DLGAP2: variants seen among roughly 807,000 people sequenced by gnomAD.
DLGAP2 encodes the protein DLG associated protein 2.
In DLGAP2, 26 loss-of-function variants were observed where a neutral mutation model predicts 100.3. The observed-to-expected ratio is 0.26, with a 90% CI of 0.19 to 0.36. The LOEUF is 0.36. Ranked by LOEUF, DLGAP2 falls within the 10% of genes least tolerant of loss-of-function variation. The pLI, the probability that DLGAP2 is intolerant of heterozygous loss-of-function variation, is 1.00. For synonymous variants in DLGAP2, 886 were observed against 630.1 expected, an observed-to-expected ratio of 1.41 and a Z score of -6.08; for missense variants, 1,858 against 1,453.2, an observed-to-expected ratio of 1.28 and a Z score of -4.53.
chr8:1,015,260 C>T (rs1208145941), intron 2 of DLGAP2, among the ~76,000 whole-genome samples: 1 of 4,454 alleles, frequency 2.2e-4, no homozygotes, highest in African/African-American at 4.5e-4. Flanking sequence ...CCAGGACAGA[C>T]GACGCCTCCA....
intron 3 of DLGAP2, among the ~76,000 whole-genome samples, chr8:1,294,138 C>T (rs1248311851): frequency 6.6e-6 from 1 of 152,114 alleles, no homozygotes; most frequent in African/African-American, 2.4e-5. Flanking sequence ...CACATCACCT[C>T]CCGAAACTGT....
chr8:1,384,233 T>C (rs563711153), intron 3 of DLGAP2, among the ~76,000 whole-genome samples: 36 of 152,266 alleles, frequency 2.4e-4, no homozygotes, highest in Non-Finnish European at 4.4e-4. Context: ...GAATTTAATT[T>C]CTTTCCTGGA....
intron 1 of DLGAP2, among the ~76,000 whole-genome samples, chr8:759,364 C>G (rs972630805): frequency 6.6e-6 from 1 of 151,918 alleles, no homozygotes; most frequent in Admixed American, 6.6e-5. Context: ...CACACTGATG[C>G]GTCATTGCCG....
At chr8:1,307,822 A>G (rs73543606) in intron 3 of DLGAP2, among the ~76,000 whole-genome samples, 10,539 of 152,208 alleles carry the variant, frequency 0.069, 694 homozygotes, top group African/African-American at 0.17. Context: ...AGTCGAATTC[A>G]TAAAGACAGA....
chr8:1,441,587 C>T (rs2130068079), intron 3 of DLGAP2, among the ~76,000 whole-genome samples: 1 of 151,018 alleles, frequency 6.6e-6, no homozygotes, highest in Non-Finnish European at 1.5e-5. Context: ...ACTCAGGAGG[C>T]TGAGGCAGGA....
At chr8:1,494,194 G>T (rs538686601) in intron 3 of DLGAP2, among the ~76,000 whole-genome samples, 1 of 152,364 alleles carries the variant, frequency 6.6e-6, no homozygotes, top group African/African-American at 2.4e-5. Flanking sequence ...TTTCCATCAA[G>T]AAATCCAGTC....
chr8:1,370,350 G>A lies in DLGAP2; in HGVS notation c.106+111467G>A, dbSNP rs78993010. On this transcript the variant is annotated intron_variant, in intron 3 of 14. Transcript: ENST00000637795. Reference sequence around the variant, plus strand: ...GCCAAACCCTTGCTCTCCCTGGGCAGGTGGGGTTGCACCATCTCGTCACCA... The same window carrying A: ...GCCAAACCCTTGCTCTCCCTGGGCAAGTGGGGTTGCACCATCTCGTCACCA... Among the ~76,000 whole-genome samples, 146 of 152,276 alleles carry A rather than the reference G, an allele frequency of 9.6e-4. 3 individuals are homozygous for A. The highest frequency in any genetic ancestry group is 3.4e-3 in the African/African-American group (140 of 41,568).
At chr8:1,232,868 G>A (rs755145076) in intron 2 of DLGAP2, among the ~76,000 whole-genome samples, 1 of 152,202 alleles carries the variant, frequency 6.6e-6, no homozygotes, top group African/African-American at 2.4e-5. Context: ...TTGCACGGTT[G>A]TGCAGCCATC....
intron 2 of DLGAP2, among the ~76,000 whole-genome samples, chr8:1,188,500 A>C (rs1448491423): frequency 8.3e-6 from 1 of 120,730 alleles, no homozygotes; most frequent in Non-Finnish European, 1.5e-5. Context: ...CCCTCACGGA[A>C]TCTCACACGC....
intron 1 of DLGAP2, among the ~76,000 whole-genome samples, chr8:849,299 TGCCCATGTTCCAGTACAGGAACGA>T (rs1369962358): frequency 2.0e-5 from 3 of 152,162 alleles, no homozygotes; most frequent in Non-Finnish European, 4.4e-5. Context: ...TATAGGAACG[TGCCCATGTTCCAGTACAGGAACGA>T]GCCGGTGTTT....
chr8:979,387 A>G (rs1393236515), intron 2 of DLGAP2, among the ~76,000 whole-genome samples: 2 of 152,236 alleles, frequency 1.3e-5, no homozygotes, highest in South Asian at 2.1e-4. Context: ...AACAGCAGAC[A>G]TAATAGTCTG....
intron 2 of DLGAP2, among the ~76,000 whole-genome samples, chr8:1,089,002 C>T (rs7834812): frequency 0.54 from 32,571 of 60,604 alleles, 10,924 homozygotes; most frequent in Middle Eastern, 0.62. Context: ...CATTCTCGCT[C>T]CCCGGCCTCA....
intron 1 of DLGAP2, among the ~76,000 whole-genome samples, chr8:889,045 A>AG (rs948607899): frequency 6.6e-6 from 1 of 152,258 alleles, no homozygotes; most frequent in Middle Eastern, 3.4e-3. Flanking sequence ...TTACAGTCAA[A>AG]GGGGGGTTGT....
intron 2 of DLGAP2, among the ~76,000 whole-genome samples, chr8:1,142,640 G>A (rs560075791): frequency 6.6e-6 from 1 of 152,324 alleles, no homozygotes; most frequent in African/African-American, 2.4e-5. Flanking sequence ...GAAGTGCGGC[G>A]ACTTCGGTGA....
intron 3 of DLGAP2, among the ~76,000 whole-genome samples, chr8:1,406,954 AC>A (rs374104256): frequency 2.8e-3 from 37 of 13,408 alleles, no homozygotes; most frequent in African/African-American, 3.5e-3. Context: ...ACTGAGCGCC[AC>A]CTCCTTGTCC....
At chr8:1,490,420 G>A (rs1008206887) in intron 3 of DLGAP2, among the ~76,000 whole-genome samples, 2 of 152,194 alleles carry the variant, frequency 1.3e-5, no homozygotes, top group Non-Finnish European at 2.9e-5. Flanking sequence ...AGTTAAGAGC[G>A]TTTCAAAGTG....
At chr8:917,140 C>T (rs1018358678) in intron 2 of DLGAP2, among the ~76,000 whole-genome samples, 4 of 152,116 alleles carry the variant, frequency 2.6e-5, no homozygotes, top group South Asian at 2.1e-4. Context: ...GATAGTAAAG[C>T]GACTGTTGAG....
chr8:1,316,279 G>A (rs76859368), intron 3 of DLGAP2, among the ~76,000 whole-genome samples: 4,855 of 98,076 alleles, frequency 0.05, 10 homozygotes, highest in African/African-American at 0.1. Context: ...GTGTGCGAGT[G>A]CAGCGTCTCT....
At chr8:979,511 C>T (rs1183978975) in intron 2 of DLGAP2, among the ~76,000 whole-genome samples, 1 of 152,194 alleles carries the variant, frequency 6.6e-6, no homozygotes, top group East Asian at 1.9e-4. Flanking sequence ...GTATTGTAAT[C>T]AACTTGTGAA....
Sources: allele counts gnomAD v4.1 joint callset (sites outside exome capture counted in the v4.1 genomes callset), GRCh38; gene constraint gnomAD v4.1.1; transcripts MANE v1.5; gene names NCBI Gene and HGNC (gene_info 2026-07-23, HGNC 2026-07-21).